The following PCNX2 variants were observed in gnomAD, a reference collection of about 807,000 sequenced individuals.
PCNX2 encodes the protein pecanex-like protein 2.
In PCNX2, 168 loss-of-function variants were observed where a neutral mutation model predicts 223.8. The ratio of observed to expected loss-of-function variants is 0.75; its 90% CI spans 0.66 to 0.85. The LOEUF (loss-of-function observed/expected upper bound fraction) is 0.85. PCNX2 is among the 40% of genes least tolerant of loss of function. The pLI is 0.00. For missense variants in PCNX2, 2,507 were observed against 2,675.5 expected (o/e 0.94, Z 1.39); for synonymous variants, 1,006 against 1,052.6 (o/e 0.96, Z 0.86).
intron 21 of PCNX2, among the ~76,000 whole-genome samples, chr1:233,107,186 TAC>T (rs112899127): frequency 0.084 from 9,383 of 112,160 alleles, 350 homozygotes; most frequent in Non-Finnish European, 0.1. Context: ...ACATGTATTA[TAC>T]ACACACACAC....
At chr1:233,145,510 T>C (rs1473132533) in intron 19 of PCNX2, among the ~76,000 whole-genome samples, 1 of 152,190 alleles carries the variant, frequency 6.6e-6, no homozygotes, top group East Asian at 1.9e-4. Flanking sequence ...TATGTGCCTC[T>C]ACGTGTGCTA....
chr1:233,162,857 G>A (rs188012268), intron 17 of PCNX2, among the ~76,000 whole-genome samples: 1 of 152,236 alleles, frequency 6.6e-6, no homozygotes, highest in East Asian at 1.9e-4. Flanking sequence ...CATGTGTTAT[G>A]TTTAACTGAC....
At chr1:233,165,591 A>T (rs1678745597) in intron 17 of PCNX2, among the ~76,000 whole-genome samples, 1 of 152,210 alleles carries the variant, frequency 6.6e-6, no homozygotes, top group African/African-American at 2.4e-5. Context: ...ATTTTCATGT[A>T]CTTAATTTAA....
chr1:233,113,507 A>G (rs1675233500), intron 21 of PCNX2, among the ~76,000 whole-genome samples: 2 of 152,340 alleles, frequency 1.3e-5, no homozygotes, highest in South Asian at 4.1e-4. Context: ...TCTCAAAAAA[A>G]CAGTTTTCCA....
intron 8 of PCNX2, among the ~76,000 whole-genome samples, chr1:233,240,038 C>T (rs1658660070): frequency 6.6e-6 from 1 of 152,262 alleles, no homozygotes; most frequent in South Asian, 2.1e-4. Flanking sequence ...GCATCAGAAA[C>T]CTGTATTGTC....
intron 9 of PCNX2, among the ~76,000 whole-genome samples, chr1:233,229,656 C>T (rs566430191): frequency 6.6e-6 from 1 of 152,036 alleles, no homozygotes. Context: ...CTTCTTAAAG[C>T]GGGGTTTCAT....
chr1:233,178,939 G>T, intron 16 of PCNX2, 127 bp downstream of exon 16: 1 of 735,218 alleles, frequency 1.4e-6, no homozygotes, highest in Non-Finnish European at 2.2e-6. Context: ...TGACCAGCTA[G>T]TTTAATAATG....
intron 12 of PCNX2, among the ~76,000 whole-genome samples, chr1:233,211,446 C>T (rs372755352): frequency 3.3e-5 from 5 of 151,950 alleles, no homozygotes; most frequent in East Asian, 3.9e-4. Context: ...TTTTTGACAA[C>T]TGATATAAAA....
At chr1:233,165,524 G>A (rs1678740450) in intron 17 of PCNX2, among the ~76,000 whole-genome samples, 1 of 152,120 alleles carries the variant, frequency 6.6e-6, no homozygotes, top group African/African-American at 2.4e-5. Flanking sequence ...AAACCTTAAT[G>A]GAGTGGTATC....
intron 8 of PCNX2, among the ~76,000 whole-genome samples, chr1:233,245,773 G>A (rs1034773209): frequency 6.6e-6 from 1 of 152,042 alleles, no homozygotes; most frequent in Admixed American, 6.6e-5. Flanking sequence ...AAATTAGCCC[G>A]GCTGTGGTGG....
chr1:232,986,087 C>T lies in PCNX2; in HGVS notation c.6240+5G>A. ...TGTCCTGGTGAGCCCTGCCCAGCCC[C>T]TTACCCGAGTGGCCTGGCTGGCAGC... On this transcript the variant is annotated splice_donor_5th_base_variant and intron_variant, in intron 33 of 33. Transcript: ENST00000258229. 6.4e-7 allele frequency: 1 copy of T among 1,556,500 alleles called. No individual in the cohort carries two copies. The highest frequency in any genetic ancestry group is 8.7e-7 in the Non-Finnish European group (1 of 1,149,574).
intron 25 of PCNX2, among the ~76,000 whole-genome samples, chr1:233,048,020 C>T (rs1456706271): frequency 6.6e-6 from 1 of 151,936 alleles, no homozygotes; most frequent in Non-Finnish European, 1.5e-5. Context: ...ATTCTTGGAC[C>T]ACAGTGGGAT....
the PCNX2 span, among the ~76,000 whole-genome samples, chr1:233,320,592 T>C: frequency 6.6e-6 from 1 of 152,204 alleles, no homozygotes; most frequent in African/African-American, 2.4e-5. Flanking sequence ...ACCATGGATA[T>C]TCTTTGATAC....
chr1:233,283,252 C>CT (rs537437373), intron 1 of PCNX2, among the ~76,000 whole-genome samples: 104 of 152,256 alleles, frequency 6.8e-4, no homozygotes, highest in African/African-American at 2.4e-3. Flanking sequence ...TCAGAATAAA[C>CT]TTTAATTGAT....
At chr1:233,228,419 T>C (rs1364087672) in intron 9 of PCNX2, among the ~76,000 whole-genome samples, 4 of 152,198 alleles carry the variant, frequency 2.6e-5, no homozygotes, top group Non-Finnish European at 5.9e-5. Context: ...TTCAATAGTG[T>C]TAACCATATT....
chr1:233,190,684 T>C (rs751708466), intron 15 of PCNX2, among the ~76,000 whole-genome samples: 3 of 152,184 alleles, frequency 2.0e-5, no homozygotes, highest in Admixed American at 6.5e-5. Context: ...TCAAAGCCTG[T>C]TTCAACACCT....
At chr1:233,012,209 T>A (rs1572009731) in intron 28 of PCNX2, among the ~76,000 whole-genome samples, 1 of 152,270 alleles carries the variant, frequency 6.6e-6, no homozygotes, top group East Asian at 1.9e-4. Flanking sequence ...TGTGTAAAAT[T>A]TGAGCTCTGT....
intron 1 of PCNX2, among the ~76,000 whole-genome samples, chr1:233,265,208 A>T (rs1235765461): frequency 6.7e-6 from 1 of 150,362 alleles, no homozygotes; most frequent in Non-Finnish European, 1.5e-5. Context: ...ATGCCACTGT[A>T]CTCCTCCTGC....
chr1:233,030,230 T>G (rs1313818622), intron 25 of PCNX2, among the ~76,000 whole-genome samples: 1 of 152,188 alleles, frequency 6.6e-6, no homozygotes, highest in African/African-American at 2.4e-5. Flanking sequence ...GAATTTTCAT[T>G]TCAGACATTG....
Sources: allele counts gnomAD v4.1 joint callset (sites outside exome capture counted in the v4.1 genomes callset), GRCh38; gene constraint gnomAD v4.1.1; transcripts MANE v1.5; gene names NCBI Gene and HGNC (gene_info 2026-07-23, HGNC 2026-07-21).